The following SLC31A2 variants were observed in gnomAD, a reference collection of about 807,000 sequenced individuals.
SLC31A2 encodes solute carrier family 31 member 2, also known as protein SLC31A2.
Under a neutral mutation model 14.4 loss-of-function variants are expected in SLC31A2, and 16 were observed. The observed-to-expected ratio is 1.11, with a 90% CI of 0.75 to 1.69. The LOEUF is 1.69. SLC31A2 is among the 40% of genes most tolerant of loss of function. SLC31A2 has a pLI of 0.00. For synonymous variants in SLC31A2, 56 were observed against 68.7 expected (o/e 0.82, Z 0.91); for missense variants, 140 against 173.9 (o/e 0.81, Z 1.10).
intron 2 of SLC31A2, 29 bp downstream of exon 2, chr9:113,157,822 C>T (rs1352470431): frequency 2.6e-6 from 4 of 1,558,662 alleles, no homozygotes; most frequent in Non-Finnish European, 1.8e-6. Flanking sequence ...AGACTTGTAG[C>T]TTGGAAAGCC....
At position 113,162,837 on chromosome 9, in the gene SLC31A2, A is replaced by C. The variant is rs1409219027; in HGVS notation, c.352A>C (p.Asn118His). The change falls in exon 4 of 4, where the codon AAC (asparagine) becomes CAC (histidine). Residue 118 changes from asparagine to histidine, a missense_variant. Asn to His is a moderately conservative substitution (Grantham distance 68). Transcript: ENST00000259392. ...CATCATGCTGGCCGTAATGTCCTAC[A>C]ACACCTGGATTTTCCTTGGTGTGGT... ...YFIMLAVMSY[N>H]TWIFLGVVLG... is the part of the protein sequence containing the mutation. 1 of 1,613,754 alleles carries C rather than the reference A, an allele frequency of 6.2e-7. No homozygotes were observed. The highest frequency in any genetic ancestry group is 1.3e-5 in the African/African-American group (1 of 75,006).
chr9:113,162,994 C>G lies in SLC31A2; in HGVS notation c.*77C>G. 1 of 1,310,958 alleles carries G rather than the reference C, an allele frequency of 7.6e-7. No individual in the cohort carries two copies. 81.2% of individuals were successfully genotyped at this position (1,310,958 alleles called of 1,614,324 possible). A position where few individuals can be genotyped will look rare whatever the true frequency, so the allele number is the denominator to read the frequency against. Reference sequence around the variant, plus strand: ...TCCAGACACTATACTTCCAACTGCCCTTTCTTCTGATGGCTATTCCTCCAC... The same window carrying G: ...TCCAGACACTATACTTCCAACTGCCGTTTCTTCTGATGGCTATTCCTCCAC... On this transcript the variant is annotated 3_prime_UTR_variant, in exon 4 of 4. Transcript: ENST00000259392.
intron 3 of SLC31A2, 47 bp downstream of exon 3, chr9:113,161,745 C>G (rs908776200): frequency 2.5e-6 from 4 of 1,592,604 alleles, no homozygotes; most frequent in African/African-American, 1.3e-5. Context: ...CACATTCACC[C>G]TGAGAGACAG....
intron 2 of SLC31A2, 90 bp from the exon 3 acceptor site, chr9:113,161,419 G>C: frequency 8.6e-7 from 1 of 1,160,984 alleles, no homozygotes. Context: ...GATAGAGGTG[G>C]ATGGAGTGGA....
chr9:113,155,930 G>C (rs1829928378), intron 1 of SLC31A2: 1 of 420,690 alleles, frequency 2.4e-6, no homozygotes, highest in Admixed American at 2.6e-5. Flanking sequence ...CCTGGACTCA[G>C]ACTACTATTC....
intron 2 of SLC31A2, among the ~76,000 whole-genome samples, chr9:113,158,432 G>T (rs759558728): frequency 5.9e-5 from 9 of 152,162 alleles, no homozygotes; most frequent in Non-Finnish European, 1.3e-4. Flanking sequence ...ATAAACAGTG[G>T]CTTAAAACAA....
At chr9:113,161,808 G>A (rs747204103) in intron 3 of SLC31A2, 110 bp downstream of exon 3, 2 of 1,225,676 alleles carry the variant, frequency 1.6e-6, no homozygotes, top group South Asian at 2.5e-5. Flanking sequence ...CGAGGCCCAG[G>A]GAAGGACCAG....
At chr9:113,159,875 T>C (rs1225567128) in intron 2 of SLC31A2, among the ~76,000 whole-genome samples, 1 of 152,160 alleles carries the variant, frequency 6.6e-6, no homozygotes, top group East Asian at 1.9e-4. Flanking sequence ...AAGGAAACAC[T>C]TAAAAAGAGT....
At chr9:113,161,451 C>A (rs1271355255) in intron 2 of SLC31A2, 58 bp from the exon 3 acceptor site, 1 of 1,505,482 alleles carries the variant, frequency 6.6e-7, no homozygotes, top group Non-Finnish European at 9.2e-7. Context: ...GGTGGAGGTG[C>A]TGGAAGGGAA....
At chr9:113,162,699 C>G (rs1830033715) in intron 3 of SLC31A2, 50 bp from the exon 4 acceptor site, 2 of 1,551,232 alleles carry the variant, frequency 1.3e-6, no homozygotes. Context: ...TCCCAGCTTC[C>G]TCATTACCAG....
Position 113,164,104 on chromosome 9 carries a change from C to T in SLC31A2, c.*1187C>T, listed in dbSNP as rs1327841880. The T allele has an allele frequency of 6.9e-6, 1 of 144,920 alleles. No individual in the cohort carries two copies. Among genetic ancestry groups the T allele is most frequent in the Non-Finnish European group, 1.5e-5 (1 of 64,856 alleles). 9.0% of individuals were successfully genotyped at this position (144,920 alleles called of 1,614,324 possible). On this transcript the variant is annotated 3_prime_UTR_variant, in exon 4 of 4. Coordinates refer to ENST00000259392, the MANE Select transcript of SLC31A2 (RefSeq NM_001860.3). Reference sequence around the variant, plus strand: ...GTAAGCTTTGGGAATTAAAAACAAACAAATACATTTTAGTAAATATATATT... The same window carrying T: ...GTAAGCTTTGGGAATTAAAAACAAATAAATACATTTTAGTAAATATATATT...
chr9:113,157,225 G>T (rs571041823), intron 1 of SLC31A2, among the ~76,000 whole-genome samples: 3 of 152,218 alleles, frequency 2.0e-5, no homozygotes, highest in Non-Finnish European at 4.4e-5. Flanking sequence ...TAGTGAATGA[G>T]TAGGCAGATG....
chr9:113,161,569 T>A lies in SLC31A2; in HGVS notation c.134T>A (p.Val45Asp). The part of the protein sequence containing the change: ...LLAVLYEGIK[V>D]GKAKLLNQVL... Reference sequence around the variant, plus strand: ...GCTGTACTGTATGAAGGCATCAAGGTTGGCAAAGCCAAGCTGCTCAACCAG... The same window carrying A: ...GCTGTACTGTATGAAGGCATCAAGGATGGCAAAGCCAAGCTGCTCAACCAG... The change falls in exon 3 of 4, where the codon GTT (valine) becomes GAT (aspartate). Residue 45 changes from valine (V) to aspartate (D), a missense_variant. Coordinates refer to ENST00000259392, the MANE Select transcript of SLC31A2 (RefSeq NM_001860.3). The A allele has an allele frequency of 6.2e-7, 1 of 1,613,886 alleles. No individual in the cohort carries two copies. Among genetic ancestry groups the A allele is most frequent in the Non-Finnish European group, 8.5e-7 (1 of 1,179,864 alleles).
At chr9:113,159,673 A>G (rs1339886281) in intron 2 of SLC31A2, among the ~76,000 whole-genome samples, 1 of 152,134 alleles carries the variant, frequency 6.6e-6, no homozygotes, top group Non-Finnish European at 1.5e-5. Flanking sequence ...ACTCAGTTCA[A>G]ATCTGACACT....
At position 113,151,100 on chromosome 9, in the gene SLC31A2, G is replaced by A. The variant is rs777957108; in HGVS notation, c.6+20G>A. ...ATGGCGGTAAGGGCCGGGCGCTACG[G>A]TGAAGAGGGTGGGCGGTTGGGGCGG... On this transcript the variant is annotated intron_variant, in intron 1 of 3. Coordinates refer to ENST00000259392, the MANE Select transcript of SLC31A2 (RefSeq NM_001860.3). This position sits in a 1 kb window ranked among gnomAD's most constrained non-coding sequence, Gnocchi z 4.2. The A allele has an allele frequency of 3.8e-6, 5 of 1,304,228 alleles. No individual in the cohort carries two copies. In the East Asian group the frequency reaches 1.4e-4, roughly 37 times the overall value. 80.8% of individuals were successfully genotyped at this position (1,304,228 alleles called of 1,614,324 possible).
rs1273091891 is a variant in SLC31A2, at chr9:113,163,752, C to T, written c.*835C>T. ...GGCCGTGGGTGTCTGGGAAGCTCTT[C>T]GTGGCCTCAATGCCCTCCTTTATCC... On this transcript the variant is annotated 3_prime_UTR_variant, in exon 4 of 4. Coordinates refer to ENST00000259392, the MANE Select transcript of SLC31A2 (RefSeq NM_001860.3). The T allele has an allele frequency of 6.6e-6, 1 of 152,522 alleles. No homozygotes were observed. The allele number at this position is 152,522 out of a possible 1,614,324, so 9.4% of individuals were successfully genotyped here.
intron 2 of SLC31A2, among the ~76,000 whole-genome samples, chr9:113,159,739 C>A (rs1047056455): frequency 2.0e-5 from 3 of 152,208 alleles, no homozygotes; most frequent in Non-Finnish European, 4.4e-5. Context: ...AAGGCTGCCC[C>A]CTGCTTCAGG....
chr9:113,161,127 C>CTAT (rs1305299138), intron 2 of SLC31A2: 2 of 182,920 alleles, frequency 1.1e-5, no homozygotes, highest in African/African-American at 4.8e-5. Flanking sequence ...GCTGAGATAA[C>CTAT]TATTACTCTT....
chr9:113,161,214 C>T (rs373744948), intron 2 of SLC31A2: 53 of 412,764 alleles, frequency 1.3e-4, no homozygotes, highest in South Asian at 4.7e-4. Context: ...CATCACTTAA[C>T]AAGAAGTCAC....
Sources: gnomAD v4.1 joint callset for allele counts (sites outside exome capture counted in the v4.1 genomes callset) on GRCh38, gnomAD v4.1.1 for gene constraint, Gnocchi (gnomAD v3.1) non-coding constraint, MANE v1.5 for transcripts, NCBI Gene and HGNC (gene_info 2026-07-23, HGNC 2026-07-21) for gene names.